UNC13C: variants seen among roughly 807,000 people sequenced by gnomAD.
UNC13C encodes protein unc-13 homolog C.
A neutral mutation model predicts 245.4 loss-of-function variants in UNC13C; 174 were observed. The ratio of observed to expected loss-of-function variants is 0.71; its 90% CI spans 0.63 to 0.80. The LOEUF (loss-of-function observed/expected upper bound fraction) is 0.80. Ranked by LOEUF, UNC13C falls within the 30% of genes least tolerant of loss-of-function variation. The pLI is 0.00. For missense variants in UNC13C, 2,829 were observed against 2,602.9 expected (o/e 1.09, Z -1.89); for synonymous variants, 992 against 895.1 (o/e 1.11, Z -1.93).
chr15:53,882,101 T>G, the UNC13C span, among the ~76,000 whole-genome samples: 2 of 152,146 alleles, frequency 1.3e-5, no homozygotes, highest in African/African-American at 4.8e-5. Context: ...ACTCTGAGAG[T>G]TGAATGAAGA....
At chr15:54,316,637 A>G (rs993067205) in intron 13 of UNC13C, among the ~76,000 whole-genome samples, 1 of 151,942 alleles carries the variant, frequency 6.6e-6, no homozygotes, top group Non-Finnish European at 1.5e-5. Flanking sequence ...AAGCTAATAT[A>G]GCATCTGCCA....
At chr15:54,500,799 T>C (rs370243106) in intron 21 of UNC13C, 36 bp from the exon 22 acceptor site, 1 of 1,602,444 alleles carries the variant, frequency 6.2e-7, no homozygotes. Flanking sequence ...GCCTCTAATG[T>C]ACTGTTTGGG....
At chr15:53,986,311 G>T (rs1894139636) in intron 1 of UNC13C, among the ~76,000 whole-genome samples, 1 of 152,040 alleles carries the variant, frequency 6.6e-6, no homozygotes, top group Admixed American at 6.6e-5. Context: ...AGAATCTATT[G>T]AGATAAAATT....
At chr15:54,235,232 C>T in intron 5 of UNC13C, 124 bp downstream of exon 5, 3 of 669,036 alleles carry the variant, frequency 4.5e-6, no homozygotes, top group Non-Finnish European at 7.6e-6. Flanking sequence ...TATATGAGGC[C>T]AGATGCTACC....
intron 2 of UNC13C, among the ~76,000 whole-genome samples, chr15:54,085,590 C>A (rs1899194059): frequency 6.6e-6 from 1 of 151,982 alleles, no homozygotes; most frequent in Non-Finnish European, 1.5e-5. Context: ...AGTATTTATA[C>A]TTTTTTCCAA....
intron 19 of UNC13C, among the ~76,000 whole-genome samples, chr15:54,476,673 T>C (rs1161062053): frequency 6.6e-6 from 1 of 151,656 alleles, no homozygotes; most frequent in African/African-American, 2.4e-5. Flanking sequence ...TCTATATCTC[T>C]GTTTTGGTAC....
intron 2 of UNC13C, among the ~76,000 whole-genome samples, chr15:54,118,144 T>C (rs1445052975): frequency 6.6e-6 from 1 of 152,168 alleles, no homozygotes; most frequent in Non-Finnish European, 1.5e-5. Flanking sequence ...TTTGAGTTCT[T>C]ACGTGGTTCC....
chr15:54,052,554 A>G (rs922173636), intron 2 of UNC13C, among the ~76,000 whole-genome samples: 3 of 152,146 alleles, frequency 2.0e-5, no homozygotes, highest in Non-Finnish European at 4.4e-5. Flanking sequence ...TTTTGTTGGT[A>G]TTTTACAGAG....
chr15:54,493,957 G>A (rs925943057), intron 19 of UNC13C, among the ~76,000 whole-genome samples: 2 of 152,230 alleles, frequency 1.3e-5, no homozygotes, highest in African/African-American at 4.8e-5. Flanking sequence ...GCCAAGGGGT[G>A]CAAGATAACT....
intron 4 of UNC13C, among the ~76,000 whole-genome samples, chr15:54,209,465 T>C (rs1044207675): frequency 6.6e-6 from 1 of 151,694 alleles, no homozygotes; most frequent in Non-Finnish European, 1.5e-5. Flanking sequence ...AGGGCTGGAG[T>C]ACAGCTGCAC....
At chr15:53,997,005 G>A (rs1167138852) in intron 1 of UNC13C, among the ~76,000 whole-genome samples, 2 of 151,970 alleles carry the variant, frequency 1.3e-5, no homozygotes, top group African/African-American at 4.8e-5. Flanking sequence ...TTCCTAAGGT[G>A]ATTTTATTTT....
At chr15:54,139,399 C>T (rs2031903916) in intron 2 of UNC13C, among the ~76,000 whole-genome samples, 1 of 152,112 alleles carries the variant, frequency 6.6e-6, no homozygotes, top group Non-Finnish European at 1.5e-5. Context: ...GACGTTAGGA[C>T]TTCAACATTT....
intron 26 of UNC13C, among the ~76,000 whole-genome samples, chr15:54,533,391 C>T (rs1173123919): frequency 1.3e-5 from 2 of 152,126 alleles, no homozygotes; most frequent in Non-Finnish European, 2.9e-5. Context: ...TTTCAATCCT[C>T]CTGGACATAG....
the UNC13C span, among the ~76,000 whole-genome samples, chr15:53,864,688 A>G: frequency 2.6e-3 from 398 of 152,296 alleles, 6 homozygotes; most frequent in African/African-American, 9.3e-3. Context: ...GTATTTGCAG[A>G]ATCGTAGATA....
At chr15:54,028,801 C>A (rs945297064) in intron 2 of UNC13C, among the ~76,000 whole-genome samples, 1 of 146,128 alleles carries the variant, frequency 6.8e-6, no homozygotes, top group African/African-American at 2.5e-5. Flanking sequence ...CACTCTTCTC[C>A]TGCCTCAGCC....
intron 30 of UNC13C, among the ~76,000 whole-genome samples, chr15:54,600,164 G>C (rs184178247): frequency 2.0e-5 from 3 of 152,152 alleles, no homozygotes; most frequent in African/African-American, 7.2e-5. Context: ...AAATAAGTAT[G>C]GGACAGTGAG....
intron 17 of UNC13C, among the ~76,000 whole-genome samples, chr15:54,358,613 C>T (rs2039153133): frequency 7.4e-6 from 1 of 134,394 alleles, no homozygotes; most frequent in African/African-American, 2.8e-5. Context: ...TTGAGATAGT[C>T]TGTAATTGGT....
In UNC13C at chr15:54,244,588, T is replaced by C. The variant is rs1020139608; in HGVS notation, c.3229-5637T>C. ...GTATGGCCATTTTCACAATATTGATTCTTCCTATCCATGAACATGGAATGT... is the reference window on the plus strand; with the variant it reads ...GTATGGCCATTTTCACAATATTGATCCTTCCTATCCATGAACATGGAATGT... On this transcript the variant is annotated intron_variant, in intron 7 of 32. Coordinates refer to ENST00000260323, the MANE Select transcript of UNC13C (RefSeq NM_001080534.3). Among the ~76,000 whole-genome samples the C allele has an allele frequency of 4.6e-5, 7 of 152,368 alleles. No homozygotes were observed. The East Asian group carries it at 1.3e-3, about 29-fold the overall frequency.
chr15:54,219,692 C>G (rs985645995), intron 4 of UNC13C, among the ~76,000 whole-genome samples: 110 of 151,566 alleles, frequency 7.3e-4, no homozygotes, highest in Non-Finnish European at 1.5e-3. Context: ...ATTTTCGCAA[C>G]CTACTCATCT....
Sources: gnomAD v4.1 joint callset for allele counts (sites outside exome capture counted in the v4.1 genomes callset) on GRCh38, gnomAD v4.1.1 for gene constraint, MANE v1.5 for transcripts, NCBI Gene and HGNC (gene_info 2026-07-23, HGNC 2026-07-21) for gene names.